PACRG: variants seen among roughly 807,000 people sequenced by gnomAD.
The protein encoded by PACRG is parkin coregulated gene protein.
Under a neutral mutation model 29.7 loss-of-function variants are expected in PACRG, and 29 were observed. That is an observed-to-expected ratio of 0.98 (90% CI 0.73 to 1.33). PACRG has a LOEUF of 1.33. Ranked by LOEUF, PACRG falls within the 40% of genes most tolerant of loss-of-function variation. PACRG has a pLI of 0.00. For synonymous variants in PACRG, 116 were observed against 118.7 expected, an observed-to-expected ratio of 0.98 and a Z score of 0.15; for missense variants, 279 against 316.2, an observed-to-expected ratio of 0.88 and a Z score of 0.89.
At chr6:163,193,214 A>G (rs1465095396) in intron 4 of PACRG, among the ~76,000 whole-genome samples, 1 of 152,238 alleles carries the variant, frequency 6.6e-6, no homozygotes, top group Non-Finnish European at 1.5e-5. Context: ...GTGCCACGTT[A>G]TATTTTATAA....
chr6:162,939,676 C>CGTGTGT (rs56193057), intron 2 of PACRG, among the ~76,000 whole-genome samples: 2 of 149,326 alleles, frequency 1.3e-5, no homozygotes, highest in Non-Finnish European at 1.5e-5. Flanking sequence ...CTGTATTTGA[C>CGTGTGT]GTGTGTGTGT....
chr6:162,799,481 G>A (rs546473132), intron 1 of PACRG, among the ~76,000 whole-genome samples: 1 of 152,240 alleles, frequency 6.6e-6, no homozygotes, highest in Non-Finnish European at 1.5e-5. Flanking sequence ...TGCTTTATGT[G>A]TGTGATATAT....
At chr6:163,058,356 A>G (rs537625125) in intron 2 of PACRG, among the ~76,000 whole-genome samples, 8 of 152,248 alleles carry the variant, frequency 5.3e-5, no homozygotes, top group Non-Finnish European at 8.8e-5. Flanking sequence ...AACAAAAGCC[A>G]TATCTGTGTC....
intron 4 of PACRG, among the ~76,000 whole-genome samples, chr6:163,200,305 A>T (rs941979739): frequency 2.0e-5 from 3 of 152,112 alleles, no homozygotes; most frequent in Non-Finnish European, 2.9e-5. Context: ...AAAATCAGGA[A>T]CTGGGACATT....
In PACRG at chr6:163,113,514, C is replaced by T. The variant is rs9456835; in HGVS notation, c.613+24106C>T. ...GCAGTGAGAGAAAAAGGACTCATCA[C>T]GTATACAGAATACTCCAAAGATTAA... On this transcript the variant is annotated intron_variant, in intron 4 of 4. Coordinates refer to ENST00000366888, the MANE Select transcript of PACRG (RefSeq NM_001080379.2). 3.7e-4 allele frequency among the ~76,000 whole-genome samples: 56 copies of T among 152,194 alleles called. 2 individuals are homozygous for T. The East Asian group carries it at 0.01, about 28-fold the overall frequency.
chr6:162,910,014 G>A (rs1796199925), intron 2 of PACRG, among the ~76,000 whole-genome samples: 1 of 152,198 alleles, frequency 6.6e-6, no homozygotes, highest in East Asian at 1.9e-4. Context: ...GAGCTAGAAT[G>A]CCTGGGCTCA....
intron 2 of PACRG, among the ~76,000 whole-genome samples, chr6:162,970,773 T>C (rs368209004): frequency 1.2e-4 from 19 of 152,284 alleles, no homozygotes; most frequent in Admixed American, 9.2e-4. Flanking sequence ...ATGAAATACT[T>C]CTCATCACAA....
chr6:162,812,792 A>C (rs368663445), intron 1 of PACRG, among the ~76,000 whole-genome samples: 3 of 152,248 alleles, frequency 2.0e-5, no homozygotes, highest in East Asian at 1.9e-4. Context: ...AATTGAATGA[A>C]TTTGACTGAA....
chr6:162,947,629 T>TC (rs1562767646), intron 2 of PACRG, among the ~76,000 whole-genome samples: 8 of 67,756 alleles, frequency 1.2e-4, no homozygotes, highest in African/African-American at 4.8e-4. Context: ...TATATATATA[T>TC]ATATATATAT....
intron 4 of PACRG, among the ~76,000 whole-genome samples, chr6:163,129,323 G>A (rs554218542): frequency 1.3e-5 from 2 of 152,320 alleles, no homozygotes; most frequent in East Asian, 1.9e-4. Context: ...GGACATTGTC[G>A]TTTTTTAGGT....
chr6:162,990,168 T>C (rs1380576546), intron 2 of PACRG, among the ~76,000 whole-genome samples: 1 of 151,704 alleles, frequency 6.6e-6, no homozygotes, highest in Non-Finnish European at 1.5e-5. Context: ...TTCCAAGTCT[T>C]TGCTATTGTG....
intron 2 of PACRG, among the ~76,000 whole-genome samples, chr6:162,936,692 A>G (rs930115577): frequency 6.6e-6 from 1 of 152,130 alleles, no homozygotes; most frequent in Non-Finnish European, 1.5e-5. Context: ...TTAAGCATGC[A>G]TTCTAAATAT....
chr6:163,146,813 A>T (rs941807823), intron 4 of PACRG, among the ~76,000 whole-genome samples: 2 of 152,172 alleles, frequency 1.3e-5, no homozygotes, highest in Non-Finnish European at 2.9e-5. Flanking sequence ...AATTTTTCTC[A>T]TGGTGGCTTT....
intron 3 of PACRG, among the ~76,000 whole-genome samples, chr6:163,079,348 TG>T (rs1812852145): frequency 6.6e-6 from 1 of 151,428 alleles, no homozygotes; most frequent in Non-Finnish European, 1.5e-5. Flanking sequence ...CACTCAGGGC[TG>T]TACAGGCTGG....
At chr6:163,182,746 A>AT (rs1779731028) in intron 4 of PACRG, 2 of 152,208 alleles carry the variant, frequency 1.3e-5, no homozygotes, top group African/African-American at 4.8e-5. Flanking sequence ...CAATTTCACA[A>AT]TTTTATAGAC....
intron 4 of PACRG, among the ~76,000 whole-genome samples, chr6:163,116,098 G>A (rs1328972611): frequency 2.0e-5 from 3 of 152,184 alleles, no homozygotes; most frequent in Non-Finnish European, 2.9e-5. Context: ...AAATACCTGA[G>A]ACTGTGTAAT....
At chr6:163,199,152 T>C (rs1780592908) in intron 4 of PACRG, among the ~76,000 whole-genome samples, 1 of 152,194 alleles carries the variant, frequency 6.6e-6, no homozygotes, top group African/African-American at 2.4e-5. Flanking sequence ...CCAAGATTTA[T>C]TTTCCTTTCA....
intron 4 of PACRG, chr6:163,170,566 A>G (rs1779033211): frequency 6.6e-6 from 1 of 152,130 alleles, no homozygotes. Context: ...TGTGCCACAC[A>G]AGCCGCTGCC....
At chr6:163,170,976 T>C (rs1367311385) in intron 4 of PACRG, 1 of 152,236 alleles carries the variant, frequency 6.6e-6, no homozygotes, top group East Asian at 1.9e-4. Context: ...TGCTAGGTTA[T>C]AGCAAAACTC....
Sources: gnomAD v4.1 joint callset for allele counts (sites outside exome capture counted in the v4.1 genomes callset) on GRCh38, gnomAD v4.1.1 for gene constraint, MANE v1.5 for transcripts, NCBI Gene and HGNC (gene_info 2026-07-23, HGNC 2026-07-21) for gene names.